Variants in PLEC observed in about 807,000 individuals in gnomAD.
PLEC encodes the protein hemidesmosomal protein 1.
PLEC carries 216 observed loss-of-function variants against 392.8 expected under a neutral mutation model. That is an observed-to-expected ratio of 0.55 (90% CI 0.49 to 0.62). The LOEUF (loss-of-function observed/expected upper bound fraction) is 0.62, where lower values mean the gene tolerates loss of function less well. PLEC is among the 20% of genes least tolerant of loss of function. PLEC has a pLI of 0.00. For missense variants in PLEC, 6,863 were observed against 6,563.4 expected, an observed-to-expected ratio of 1.05 and a Z score of -1.58; for synonymous variants, 3,621 against 2,980.6, an observed-to-expected ratio of 1.21 and a Z score of -7.00.
At chr8:143,971,511 G>T (rs1833429937) in intron 1 of PLEC, among the ~76,000 whole-genome samples, 1 of 152,134 alleles carries the variant, frequency 6.6e-6, no homozygotes, top group South Asian at 2.1e-4. Flanking sequence ...GGTCCAAGGG[G>T]CTCACAGAGG....
chr8:143,939,290 G>A (rs1280436984), intron 1 of PLEC, 60 bp downstream of exon 1: 1 of 1,562,390 alleles, frequency 6.4e-7, no homozygotes, highest in Admixed American at 1.9e-5. Flanking sequence ...CAGGAAGTGG[G>A]CCTTCCTCCC....
At chr8:143,953,009 GCA>G (rs1430635071), upstream of PLEC, among the ~76,000 whole-genome samples, 1 of 70,884 alleles carries the variant, frequency 1.4e-5, no homozygotes, top group Non-Finnish European at 2.8e-5. Context: ...CCGCCTCGCA[GCA>G]CACACCTCCT....
chr8:143,938,124 G>T, intron 3 of PLEC, 27 bp downstream of exon 3: 1 of 1,559,632 alleles, frequency 6.4e-7, no homozygotes, highest in Non-Finnish European at 8.7e-7. Context: ...GGCAGGCGGG[G>T]CCCGGAGGGG....
chr8:143,965,212 C>T (rs567778360), intron 1 of PLEC, among the ~76,000 whole-genome samples: 4 of 152,266 alleles, frequency 2.6e-5, no homozygotes, highest in South Asian at 4.1e-4. Context: ...TGATCCCCAT[C>T]CCATTCCTGG....
chr8:143,934,531 G>A, intron 10 of PLEC, 86 bp from the exon 11 acceptor site: 1 of 1,602,792 alleles, frequency 6.2e-7, no homozygotes, highest in Admixed American at 1.7e-5. Flanking sequence ...CACCAGACCT[G>A]GGACAGCCCT....
At chr8:143,957,243 C>A (rs920424620), upstream of PLEC, among the ~76,000 whole-genome samples, 1 of 152,162 alleles carries the variant, frequency 6.6e-6, no homozygotes, top group African/African-American at 2.4e-5. Context: ...AGCAAAGCCC[C>A]GGCCACTGCC....
At chr8:143,953,650 C>T, upstream of PLEC, 3 of 1,491,740 alleles carry the variant, frequency 2.0e-6, no homozygotes, top group Non-Finnish European at 2.8e-6. Flanking sequence ...GCCCGCCACC[C>T]TGCGTGGACT....
At chr8:143,941,858 G>C (rs1368333406), upstream of PLEC, among the ~76,000 whole-genome samples, 1 of 152,222 alleles carries the variant, frequency 6.6e-6, no homozygotes, top group South Asian at 2.1e-4. Context: ...GTGCTGTCCA[G>C]GGCTGCTGAC....
rs782812200 is a variant in PLEC at position 143,932,894 on chromosome 8, C to A, written c.1636G>T (p.Val546Leu). ...TGCGCCTCCACGCTGGGCAGGTCCA[C>A]ACCCCACTCAGCGCCATCCACACGG... Reference protein sequence around the residue: ...QHRVDGAEWGVDLPSVEAQLG... With the variant: ...QHRVDGAEWGLDLPSVEAQLG... Residue 546 changes from valine (V) to leucine (L), a missense_variant, in exon 14 of 32, where the codon GTG (valine) becomes TTG (leucine). By Grantham distance (32) the Val-to-Leu change is conservative. Coordinates refer to ENST00000345136, the MANE Select transcript of PLEC (RefSeq NM_201384.3). 1.9e-6 allele frequency: 3 copies of A among 1,612,578 alleles called. No individual in the cohort carries two copies. Among genetic ancestry groups the A allele is most frequent in the Non-Finnish European group, 2.5e-6 (3 of 1,179,900 alleles).
chr8:143,942,302 C>A, upstream of PLEC: 5 of 1,510,480 alleles, frequency 3.3e-6, no homozygotes, highest in Non-Finnish European at 4.5e-6. Flanking sequence ...CCATCCCAGC[C>A]CAGGCGGCGG....
At position 143,926,786 on chromosome 8, in the gene PLEC, C is replaced by T. The variant is rs1554705825; in HGVS notation, c.4042G>A (p.Glu1348Lys). Residue 1348 changes from glutamate (E) to lysine (K), a missense_variant and splice_region_variant, in exon 30 of 32, where the codon GAG (glutamate) becomes AAG (lysine). By Grantham distance (56) the Glu-to-Lys change is moderately conservative (BLOSUM62 1). Coordinates refer to ENST00000345136, the MANE Select transcript of PLEC (RefSeq NM_201384.3). ...SETLRRMEEE[E>K]RLAEQQRAEE... ...AGCCTCCGCCCAACGGGCTGTACCTCCTCCTCCTCCATGCGCCGCAGAGTC... is the reference window on the plus strand; with the variant it reads ...AGCCTCCGCCCAACGGGCTGTACCTTCTCCTCCTCCATGCGCCGCAGAGTC... 1 of 1,612,368 alleles carries T rather than the reference C, an allele frequency of 6.2e-7. No individual in the cohort carries two copies. Among genetic ancestry groups the T allele is most frequent in the Non-Finnish European group, 8.5e-7 (1 of 1,178,820 alleles).
Position 143,924,979 on chromosome 8 carries a change from C to G in PLEC, c.4950G>C (p.Glu1650Asp), listed in dbSNP as rs1554700054. ...EALRLRLQAEEVAQQKSLAQA... is the reference protein window; with the variant it reads ...EALRLRLQAEDVAQQKSLAQA... ...GCGCCAGGCTCTTCTGCTGCGCCACCTCCTCCGCCTGCAGCCGCAGCCGTA... is the reference window on the plus strand; with the variant it reads ...GCGCCAGGCTCTTCTGCTGCGCCACGTCCTCCGCCTGCAGCCGCAGCCGTA... Residue 1650 changes from glutamate to aspartate, a missense_variant, in exon 31 of 32, where the codon GAG becomes GAC. Coordinates refer to ENST00000345136, the MANE Select transcript of PLEC (RefSeq NM_201384.3). The G allele has an allele frequency of 1.9e-6, 3 of 1,577,828 alleles. No individual in the cohort carries two copies. The highest frequency in any genetic ancestry group is 2.3e-5 in the South Asian group (2 of 88,268).
intron 8 of PLEC, 36 bp from the exon 9 acceptor site, chr8:143,934,965 G>C: frequency 1.9e-6 from 3 of 1,610,434 alleles, no homozygotes; most frequent in Non-Finnish European, 2.5e-6. Context: ...AGGGGTCGTC[G>C]GGGCGTCCAG....
Position 143,934,104 on chromosome 8 carries a change from C to G in PLEC, c.1170-13G>C. The G allele has an allele frequency of 1.2e-6, 2 of 1,610,356 alleles. No homozygotes were observed. The highest frequency in any genetic ancestry group is 1.7e-6 in the Non-Finnish European group (2 of 1,178,886). On this transcript the variant is annotated splice_polypyrimidine_tract_variant and intron_variant, in intron 11 of 31. Coordinates refer to ENST00000345136, the MANE Select transcript of PLEC (RefSeq NM_201384.3). ...AAGACACTCCAGCCTGCAGCAGCAGCACAGGGAAGGGGCCGCGTTGGCCGG... is the reference window on the plus strand; with the variant it reads ...AAGACACTCCAGCCTGCAGCAGCAGGACAGGGAAGGGGCCGCGTTGGCCGG...
Position 143,969,208 on chromosome 8 carries a change from G to A in PLEC, c.70+4195C>T, listed in dbSNP as rs1468980216. 1.3e-5 allele frequency among the ~76,000 whole-genome samples: 2 copies of A among 152,210 alleles called. No homozygotes were observed. The highest frequency in any genetic ancestry group is 4.8e-5 in the African/African-American group (2 of 41,450). On this transcript the variant is annotated intron_variant, in intron 1 of 31. Transcript: ENST00000356346. The surrounding 1 kb of genome is among the most constrained non-coding windows in gnomAD (Gnocchi z 5.1). ...GGTGAGGTGCTGATGGCGCGGCGAT[G>A]TGAGCAGCCCTGACAGCGTCCCGGC...
intron 1 of PLEC, among the ~76,000 whole-genome samples, chr8:143,949,532 G>C (rs997037044): frequency 1.3e-5 from 2 of 152,136 alleles, no homozygotes; most frequent in South Asian, 2.1e-4. Context: ...GGTTCGTACC[G>C]GGAAAGGCCT....
In PLEC at chr8:143,973,146, C is replaced by A. The variant is rs915755329; in HGVS notation, c.70+257G>T. The stretch of plus-strand genomic sequence containing the variant: ...ACAGCCGACCCCGACAAGCCCTGAG[C>A]GCCCCCACCCGCCCGCGGCCCACCC... On this transcript the variant is annotated intron_variant, in intron 1 of 31. Coordinates refer to the PLEC transcript ENST00000356346. The surrounding 1 kb of genome is among the most constrained non-coding windows in gnomAD (Gnocchi z 5.6). 6.6e-6 allele frequency among the ~76,000 whole-genome samples: 1 copy of A among 152,124 alleles called. No homozygotes were observed. The highest frequency in any genetic ancestry group is 6.5e-5 in the Admixed American group (1 of 15,286).
At chr8:143,960,542 G>A (rs558944894) in intron 1 of PLEC, among the ~76,000 whole-genome samples, 2 of 151,956 alleles carry the variant, frequency 1.3e-5, no homozygotes, top group African/African-American at 2.4e-5. Context: ...CCTCTAACCC[G>A]GGAGGCGGAG....
At position 143,929,574 on chromosome 8, in the gene PLEC, G is replaced by GGGGAACACAGGGGAACACA; in HGVS notation, c.2924-4_2924-3insTGTGTTCCCCTGTGTTCCC. 6.2e-7 allele frequency: 1 copy of GGGGAACACAGGGGAACACA among 1,612,332 alleles called. No homozygotes were observed. The highest frequency in any genetic ancestry group is 8.5e-7 in the Non-Finnish European group (1 of 1,179,898). On this transcript the variant is annotated splice_region_variant and splice_polypyrimidine_tract_variant and intron_variant, in intron 23 of 31. Transcript: ENST00000345136. ...GCAGCGAGACTCTTCCTGTGCACCTGGGGAACACATGTGGGTCACTCCACC... is the reference window on the plus strand; with the variant it reads ...GCAGCGAGACTCTTCCTGTGCACCTGGGGAACACAGGGGAACACAGGGAACACATGTGGGTCACTCCACC...
Sources: allele counts gnomAD v4.1 joint callset (sites outside exome capture counted in the v4.1 genomes callset), GRCh38; gene constraint gnomAD v4.1.1; non-coding constraint Gnocchi (gnomAD v3.1); transcripts MANE v1.5; gene names NCBI Gene and HGNC (gene_info 2026-07-23, HGNC 2026-07-21).